ROBO2: variants seen among roughly 807,000 people sequenced by gnomAD.
ROBO2 encodes the protein roundabout guidance receptor 2, also known as roundabout homolog 2.
Under a neutral mutation model 160.8 loss-of-function variants are expected in ROBO2, and 53 were observed. That is an observed-to-expected ratio of 0.33 (90% CI 0.26 to 0.41). The LOEUF is 0.41. ROBO2 is among the 10% of genes least tolerant of loss of function. ROBO2 has a pLI of 1.00. For missense variants in ROBO2, 1,577 were observed against 1,722.4 expected (o/e 0.92, Z 1.49); for synonymous variants, 664 against 611.7 (o/e 1.09, Z -1.26).
chr3:76,095,497 A>G (rs888093916), intron 2 of ROBO2, among the ~76,000 whole-genome samples: 1 of 152,122 alleles, frequency 6.6e-6, no homozygotes, highest in African/African-American at 2.4e-5. Context: ...CACTAGTTAT[A>G]AATAACATTA....
intron 2 of ROBO2, among the ~76,000 whole-genome samples, chr3:76,834,783 G>T (rs561163955): frequency 2.0e-5 from 3 of 152,090 alleles, no homozygotes; most frequent in Non-Finnish European, 2.9e-5. Flanking sequence ...GGAGTAAATA[G>T]CTATAGCACA....
chr3:77,567,628 C>T (rs2093522316), intron 12 of ROBO2, among the ~76,000 whole-genome samples: 1 of 152,026 alleles, frequency 6.6e-6, no homozygotes, highest in Non-Finnish European at 1.5e-5. Flanking sequence ...GTCTGCATGA[C>T]CTCGTGTCAG....
chr3:76,153,887 C>T (rs989348494), intron 2 of ROBO2, among the ~76,000 whole-genome samples: 29 of 152,216 alleles, frequency 1.9e-4, no homozygotes, highest in Admixed American at 1.8e-3. Flanking sequence ...GTAGCCCCAA[C>T]ACAACTGCAG....
chr3:76,515,213 T>C (rs1406983808), intron 2 of ROBO2, among the ~76,000 whole-genome samples: 1 of 152,176 alleles, frequency 6.6e-6, no homozygotes, highest in Non-Finnish European at 1.5e-5. Context: ...AATTTTAAAG[T>C]GAGTTTCTTT....
At chr3:76,804,109 A>G (rs1286744955) in intron 2 of ROBO2, among the ~76,000 whole-genome samples, 1 of 152,188 alleles carries the variant, frequency 6.6e-6, no homozygotes, top group African/African-American at 2.4e-5. Context: ...GGTGATCAAG[A>G]GTGATGGTCA....
At chr3:76,227,316 A>G (rs1704349181) in intron 2 of ROBO2, among the ~76,000 whole-genome samples, 1 of 152,100 alleles carries the variant, frequency 6.6e-6, no homozygotes, top group Non-Finnish European at 1.5e-5. Context: ...TGGGATAATT[A>G]TATTACTTTT....
At chr3:76,049,112 G>A (rs918904050) in intron 2 of ROBO2, among the ~76,000 whole-genome samples, 12 of 152,120 alleles carry the variant, frequency 7.9e-5, no homozygotes, top group African/African-American at 2.9e-4. Context: ...GGGACCCTAA[G>A]AGTTTTGGCA....
intron 2 of ROBO2, among the ~76,000 whole-genome samples, chr3:76,735,915 A>G (rs2093703084): frequency 6.6e-6 from 1 of 151,980 alleles, no homozygotes; most frequent in Non-Finnish European, 1.5e-5. Context: ...AAACCTGTGC[A>G]CACCCCTATT....
At chr3:77,549,715 T>C (rs181499738) in intron 7 of ROBO2, among the ~76,000 whole-genome samples, 9 of 152,144 alleles carry the variant, frequency 5.9e-5, no homozygotes, top group Admixed American at 1.3e-4. Flanking sequence ...TGAAAAGTGT[T>C]AATACCCTAT....
In ROBO2 at chr3:76,212,490, A is replaced by C. The variant is rs1703207130; in HGVS notation, c.109+274888A>C. Among the ~76,000 whole-genome samples, 2 of 152,098 alleles carry C rather than the reference A, an allele frequency of 1.3e-5. 1 individual carries two copies. Among genetic ancestry groups the C allele is most frequent in the Admixed American group, 1.3e-4 (2 of 15,254 alleles). On this transcript the variant is annotated intron_variant, in intron 2 of 26. Transcript: ENST00000487694. ...ACTTAAGTTCCAGTTTATAAGAGGA[A>C]ACTAAAAACTTAATGTTCTTAGCAA...
chr3:76,393,823 T>A (rs987918868), intron 2 of ROBO2, among the ~76,000 whole-genome samples: 3 of 152,194 alleles, frequency 2.0e-5, no homozygotes, highest in African/African-American at 4.8e-5. Context: ...TTATTCTTTT[T>A]CATGTAGTAA....
At chr3:77,327,097 C>G (rs1232709375) in intron 2 of ROBO2, among the ~76,000 whole-genome samples, 1 of 152,166 alleles carries the variant, frequency 6.6e-6, no homozygotes, top group South Asian at 2.1e-4. Context: ...ATTTAGAACT[C>G]GGGATAGAAT....
At chr3:76,814,645 G>C (rs552537190) in intron 2 of ROBO2, among the ~76,000 whole-genome samples, 1 of 151,804 alleles carries the variant, frequency 6.6e-6, no homozygotes, top group Non-Finnish European at 1.5e-5. Context: ...CCTACACTCA[G>C]CATGCCTTTA....
intron 2 of ROBO2, among the ~76,000 whole-genome samples, chr3:77,244,935 T>A: frequency 8.1e-6 from 1 of 124,092 alleles, no homozygotes. Context: ...CTGAAGTATA[T>A]GTGAACAAAT....
intron 2 of ROBO2, among the ~76,000 whole-genome samples, chr3:77,230,849 C>CT (rs1335408710): frequency 6.6e-6 from 1 of 152,138 alleles, no homozygotes; most frequent in South Asian, 2.1e-4. Context: ...CAAAATTACT[C>CT]TTTTGCGATC....
At chr3:77,622,363 C>T in exon 23 of ROBO2, 1 of 1,613,754 alleles carries the variant, frequency 6.2e-7, no homozygotes, top group Non-Finnish European at 8.5e-7. Flanking sequence ...TTTAGAAATC[C>T]CCAGGCCCCT....
intron 2 of ROBO2, among the ~76,000 whole-genome samples, chr3:77,367,016 A>G (rs2071002730): frequency 6.6e-6 from 1 of 152,026 alleles, no homozygotes. Context: ...TAAACATTCA[A>G]ATTGTAGCAA....
chr3:76,763,306 A>G (rs1414605128), intron 2 of ROBO2, among the ~76,000 whole-genome samples: 1 of 151,746 alleles, frequency 6.6e-6, no homozygotes, highest in Non-Finnish European at 1.5e-5. Context: ...AAAGTGAAAT[A>G]ATGTATGCAA....
At chr3:76,167,003 G>A (rs2072863570) in intron 2 of ROBO2, among the ~76,000 whole-genome samples, 1 of 152,070 alleles carries the variant, frequency 6.6e-6, no homozygotes, top group African/African-American at 2.4e-5. Context: ...GGAGTGCAGT[G>A]GCGTGATCTT....
Sources: allele counts gnomAD v4.1 joint callset (sites outside exome capture counted in the v4.1 genomes callset), GRCh38; gene constraint gnomAD v4.1.1; transcripts MANE v1.5; gene names NCBI Gene and HGNC (gene_info 2026-07-23, HGNC 2026-07-21).